The following GNA14 variants were observed in gnomAD, a reference collection of about 807,000 sequenced individuals.
GNA14 encodes the protein guanine nucleotide-binding protein subunit alpha-14.
A neutral mutation model predicts 42.0 loss-of-function variants in GNA14; 50 were observed. That is an observed-to-expected ratio of 1.19 (90% CI 0.95 to 1.51). The LOEUF (loss-of-function observed/expected upper bound fraction) is 1.51, where lower values mean the gene tolerates loss of function less well. Among genes scored for constraint, GNA14 ranks in the 40% most tolerant of loss-of-function variants. The pLI is 0.00. For missense variants in GNA14, 473 were observed against 446.2 expected (o/e 1.06, Z -0.54); for synonymous variants, 173 against 163.1 (o/e 1.06, Z -0.46).
At chr9:77,564,273 A>G (rs924761608) in intron 1 of GNA14, among the ~76,000 whole-genome samples, 1 of 151,090 alleles carries the variant, frequency 6.6e-6, no homozygotes, top group African/African-American at 2.4e-5. Flanking sequence ...ATTGATCTGC[A>G]GAAAAGTCCA....
At chr9:77,534,241 C>A (rs922243400) in intron 1 of GNA14, among the ~76,000 whole-genome samples, 2 of 152,134 alleles carry the variant, frequency 1.3e-5, no homozygotes, top group African/African-American at 4.8e-5. Context: ...GAAATTTACC[C>A]GTTTACTTTT....
In GNA14 at chr9:77,583,771, A is replaced by C. The variant is rs151117003; in HGVS notation, c.125-54518T>G. Among the ~76,000 whole-genome samples, 27 of 152,270 alleles carry C rather than the reference A, an allele frequency of 1.8e-4. No individual in the cohort carries two copies. The East Asian group carries it at 4.8e-3, about 27-fold the overall frequency. ...CCTGGGGATCTTGTTAAAAATGCAG[A>C]GTCTGACTCAGTACATCTGGGGTGT... On this transcript the variant is annotated intron_variant, in intron 1 of 6. Coordinates refer to ENST00000341700, the MANE Select transcript of GNA14 (RefSeq NM_004297.4).
chr9:77,477,424 C>A lies in GNA14; in HGVS notation c.310-42902G>T, dbSNP rs548189417. 2.0e-5 allele frequency among the ~76,000 whole-genome samples: 3 copies of A among 152,280 alleles called. No individual in the cohort carries two copies. In the South Asian group the frequency reaches 6.2e-4, roughly 32 times the overall value. ...ATGTACTGAATCCTGAGCCCTCCAG[C>A]CCCATTCCCCTGCTGAGAATATGGC... On this transcript the variant is annotated intron_variant, in intron 2 of 6. Coordinates refer to ENST00000341700, the MANE Select transcript of GNA14 (RefSeq NM_004297.4).
intron 1 of GNA14, among the ~76,000 whole-genome samples, chr9:77,607,448 G>A (rs1823658857): frequency 6.6e-6 from 1 of 152,142 alleles, no homozygotes; most frequent in South Asian, 2.1e-4. Flanking sequence ...GCTGTAGTAA[G>A]GTTCTCAAGG....
chr9:77,613,388 A>T (rs1361608481), intron 1 of GNA14, among the ~76,000 whole-genome samples: 1 of 152,248 alleles, frequency 6.6e-6, no homozygotes, highest in African/African-American at 2.4e-5. Flanking sequence ...AGGGAGTAGG[A>T]CAATGGGGAA....
chr9:77,424,450 T>TG (rs757159257), intron 6 of GNA14, among the ~76,000 whole-genome samples: 3 of 152,202 alleles, frequency 2.0e-5, no homozygotes, highest in African/African-American at 4.8e-5. Flanking sequence ...CTCGAACTCC[T>TG]GACCTTAGGT....
chr9:77,551,873 C>T (rs1587827490), intron 1 of GNA14, among the ~76,000 whole-genome samples: 1 of 151,972 alleles, frequency 6.6e-6, no homozygotes, highest in African/African-American at 2.4e-5. Flanking sequence ...GGCGCGGTAG[C>T]TCATGCCTGT....
intron 2 of GNA14, among the ~76,000 whole-genome samples, chr9:77,445,807 T>C (rs1442825889): frequency 1.3e-5 from 2 of 152,162 alleles, no homozygotes; most frequent in Admixed American, 6.5e-5. Context: ...GTGGTCATGT[T>C]ATGTGGGAAG....
intron 1 of GNA14, among the ~76,000 whole-genome samples, chr9:77,603,460 A>G (rs527928361): frequency 2.6e-5 from 4 of 152,186 alleles, no homozygotes; most frequent in African/African-American, 7.2e-5. Flanking sequence ...AAAACAATGC[A>G]TATTTGTGTA....
At chr9:77,480,721 C>A (rs1202062748) in intron 2 of GNA14, among the ~76,000 whole-genome samples, 5 of 152,172 alleles carry the variant, frequency 3.3e-5, no homozygotes, top group Non-Finnish European at 7.3e-5. Flanking sequence ...GCCACAATTT[C>A]AGAGTCTGTT....
intron 1 of GNA14, among the ~76,000 whole-genome samples, chr9:77,624,680 C>G (rs948052288): frequency 6.6e-6 from 1 of 152,098 alleles, no homozygotes; most frequent in Non-Finnish European, 1.5e-5. Flanking sequence ...AGCAGAGGGG[C>G]CTGACTGTTA....
At position 77,647,846 on chromosome 9, in the gene GNA14, C is replaced by T; in HGVS notation, c.-53G>A. ...GCGACGCGGCCCCGGGCACCCGAAT[C>T]CTCGGCCCGGCCGCTCACCCGGCCA... On this transcript the variant is annotated 5_prime_UTR_variant, in exon 1 of 7. Coordinates refer to ENST00000341700, the MANE Select transcript of GNA14 (RefSeq NM_004297.4). 1.3e-6 allele frequency: 2 copies of T among 1,572,892 alleles called. No homozygotes were observed. The highest frequency in any genetic ancestry group is 8.6e-7 in the Non-Finnish European group (1 of 1,164,506).
At chr9:77,643,944 A>T (rs1009674047) in intron 1 of GNA14, among the ~76,000 whole-genome samples, 1 of 152,178 alleles carries the variant, frequency 6.6e-6, no homozygotes, top group African/African-American at 2.4e-5. Context: ...CAGCTAAGAC[A>T]CTGTAGGGCT....
intron 2 of GNA14, among the ~76,000 whole-genome samples, chr9:77,442,345 C>G (rs1430770687): frequency 2.0e-5 from 3 of 152,138 alleles, no homozygotes; most frequent in African/African-American, 7.2e-5. Context: ...GCACTCCAGC[C>G]TGGGCAACAG....
intron 1 of GNA14, among the ~76,000 whole-genome samples, chr9:77,584,197 A>C (rs1232430676): frequency 6.6e-6 from 1 of 152,168 alleles, no homozygotes; most frequent in Non-Finnish European, 1.5e-5. Context: ...TTAAGAATCT[A>C]CCTCTACCAT....
chr9:77,504,660 CTTTTTTTT>C (rs34631344), intron 2 of GNA14, among the ~76,000 whole-genome samples: 2 of 76,218 alleles, frequency 2.6e-5, no homozygotes, highest in South Asian at 5.7e-4. Flanking sequence ...GTCTGGCCGA[CTTTTTTTT>C]TTTTTTTTTT....
At chr9:77,446,265 G>C (rs1835816649) in intron 2 of GNA14, among the ~76,000 whole-genome samples, 1 of 152,186 alleles carries the variant, frequency 6.6e-6, no homozygotes, top group South Asian at 2.1e-4. Flanking sequence ...GGCCCTTCCA[G>C]ACAAGGAAGC....
chr9:77,437,335 A>G (rs956311157), intron 2 of GNA14, among the ~76,000 whole-genome samples: 1 of 152,212 alleles, frequency 6.6e-6, no homozygotes, highest in African/African-American at 2.4e-5. Context: ...AACTGAGGCC[A>G]GGAGTTTAAG....
intron 2 of GNA14, among the ~76,000 whole-genome samples, chr9:77,453,934 C>A (rs1053811083): frequency 2.0e-5 from 3 of 152,218 alleles, no homozygotes; most frequent in Non-Finnish European, 4.4e-5. Flanking sequence ...AGACTCCAGC[C>A]GATTCCATAG....
Sources: allele counts gnomAD v4.1 joint callset (sites outside exome capture counted in the v4.1 genomes callset), GRCh38; gene constraint gnomAD v4.1.1; transcripts MANE v1.5; gene names NCBI Gene and HGNC (gene_info 2026-07-23, HGNC 2026-07-21).